The following FNDC3B variants were observed in gnomAD, a reference collection of about 807,000 sequenced individuals.
FNDC3B encodes fibronectin type III domain-containing protein 3B.
Under a neutral mutation model 151.5 loss-of-function variants are expected in FNDC3B, and 12 were observed. The ratio of observed to expected loss-of-function variants is 0.08; its 90% CI spans 0.05 to 0.13. FNDC3B has a LOEUF of 0.13. Ranked by LOEUF, FNDC3B falls within the 10% of genes least tolerant of loss-of-function variation. FNDC3B has a pLI of 1.00. For missense variants in FNDC3B, 1,214 were observed against 1,505.3 expected, an observed-to-expected ratio of 0.81 and a Z score of 3.20; for synonymous variants, 528 against 549.0, an observed-to-expected ratio of 0.96 and a Z score of 0.54.
chr3:172,374,269 G>A (rs1294414608), intron 23 of FNDC3B, among the ~76,000 whole-genome samples: 1 of 152,156 alleles, frequency 6.6e-6, no homozygotes, highest in South Asian at 2.1e-4. Context: ...GATGTCCGTG[G>A]TCTCTCAGAA....
At chr3:172,248,944 A>T (rs1727927534) in intron 5 of FNDC3B, among the ~76,000 whole-genome samples, 1 of 151,576 alleles carries the variant, frequency 6.6e-6, no homozygotes, top group Non-Finnish European at 1.5e-5. Context: ...GTATAAGGGG[A>T]TGATAGCAAA....
At chr3:172,125,109 T>C (rs537458183) in intron 2 of FNDC3B, among the ~76,000 whole-genome samples, 2 of 152,308 alleles carry the variant, frequency 1.3e-5, no homozygotes, top group South Asian at 2.1e-4. Flanking sequence ...GGGAGCGAGA[T>C]GGCACTTGGT....
intron 6 of FNDC3B, among the ~76,000 whole-genome samples, chr3:172,255,901 T>A (rs547483344): frequency 6.6e-6 from 1 of 152,310 alleles, no homozygotes; most frequent in East Asian, 1.9e-4. Context: ...TGTCTCCTCA[T>A]ACGTTTCTTA....
At chr3:172,209,016 AG>A (rs1356614786) in intron 3 of FNDC3B, among the ~76,000 whole-genome samples, 1 of 151,352 alleles carries the variant, frequency 6.6e-6, no homozygotes, top group Non-Finnish European at 1.5e-5. Flanking sequence ...AGAGCCCCAA[AG>A]AGGGTGTTAC....
At chr3:172,331,476 G>C (rs985190044) in intron 13 of FNDC3B, among the ~76,000 whole-genome samples, 3 of 152,116 alleles carry the variant, frequency 2.0e-5, no homozygotes, top group Non-Finnish European at 4.4e-5. Flanking sequence ...TTCTGCCTCA[G>C]TTTCCCAAGT....
intron 3 of FNDC3B, among the ~76,000 whole-genome samples, chr3:172,154,712 A>G (rs1329106925): frequency 6.6e-6 from 1 of 152,172 alleles, no homozygotes; most frequent in Non-Finnish European, 1.5e-5. Context: ...CACTGATGAA[A>G]TCTACAACCT....
intron 16 of FNDC3B, among the ~76,000 whole-genome samples, chr3:172,338,631 C>T (rs1733115887): frequency 6.6e-6 from 1 of 152,228 alleles, no homozygotes; most frequent in Non-Finnish European, 1.5e-5. Flanking sequence ...TAATAAAATT[C>T]ATTAGACTTT....
chr3:172,308,652 G>C, intron 10 of FNDC3B, among the ~76,000 whole-genome samples: 1 of 152,198 alleles, frequency 6.6e-6, no homozygotes, highest in East Asian at 1.9e-4. Context: ...CCAGTGGCCA[G>C]CATTGAGTGT....
At chr3:172,264,028 C>A (rs1313419507) in intron 6 of FNDC3B, among the ~76,000 whole-genome samples, 2 of 151,982 alleles carry the variant, frequency 1.3e-5, no homozygotes, top group Admixed American at 1.3e-4. Context: ...GCTCTGTTAC[C>A]CAGGCTGGAG....
intron 8 of FNDC3B, among the ~76,000 whole-genome samples, chr3:172,296,478 C>G (rs1277350106): frequency 6.6e-6 from 1 of 152,170 alleles, no homozygotes; most frequent in African/African-American, 2.4e-5. Flanking sequence ...CTGTCTCTTC[C>G]CTGGACGCCC....
intron 25 of FNDC3B, among the ~76,000 whole-genome samples, chr3:172,396,894 A>C (rs1470400664): frequency 6.6e-6 from 1 of 152,214 alleles, no homozygotes; most frequent in Non-Finnish European, 1.5e-5. Flanking sequence ...CTTACTACTT[A>C]AAATGTCAGC....
chr3:172,259,317 G>C (rs940399890), intron 6 of FNDC3B, among the ~76,000 whole-genome samples: 9 of 152,168 alleles, frequency 5.9e-5, no homozygotes, highest in African/African-American at 2.2e-4. Flanking sequence ...TTCTTGGCAG[G>C]AAACTGGACA....
intron 6 of FNDC3B, among the ~76,000 whole-genome samples, chr3:172,275,014 A>T (rs1009159344): frequency 6.6e-6 from 1 of 152,086 alleles, no homozygotes; most frequent in Admixed American, 6.5e-5. Context: ...CTTATCTATT[A>T]TATTTTCCTC....
chr3:172,131,271 T>C (rs908267155), intron 2 of FNDC3B, among the ~76,000 whole-genome samples: 2 of 151,902 alleles, frequency 1.3e-5, no homozygotes, highest in African/African-American at 4.8e-5. Context: ...TGCAGGCCTG[T>C]AATCCCAGCT....
At chr3:172,332,587 A>T (rs900591692) in intron 13 of FNDC3B, among the ~76,000 whole-genome samples, 1 of 152,218 alleles carries the variant, frequency 6.6e-6, no homozygotes, top group African/African-American at 2.4e-5. Context: ...TGATAGAATG[A>T]TAGAGATAGA....
chr3:172,303,863 T>C (rs1253827512), intron 9 of FNDC3B, among the ~76,000 whole-genome samples: 1 of 152,232 alleles, frequency 6.6e-6, no homozygotes, highest in Non-Finnish European at 1.5e-5. Flanking sequence ...ACTACTATAA[T>C]TGACAGATGT....
intron 3 of FNDC3B, among the ~76,000 whole-genome samples, chr3:172,211,596 G>A (rs1222315549): frequency 6.6e-6 from 1 of 152,222 alleles, no homozygotes; most frequent in Non-Finnish European, 1.5e-5. Flanking sequence ...ATTTTTGCCT[G>A]TAGAAGAGGA....
chr3:172,099,044 G>T (rs563303419), intron 1 of FNDC3B, among the ~76,000 whole-genome samples: 1 of 152,174 alleles, frequency 6.6e-6, no homozygotes, highest in Non-Finnish European at 1.5e-5. Flanking sequence ...AAACGCCTTC[G>T]CAAAGAAAGA....
intron 19 of FNDC3B, 22 bp downstream of exon 19, chr3:172,344,280 A>G (rs1733498152): frequency 2.5e-6 from 4 of 1,579,562 alleles, no homozygotes; most frequent in Non-Finnish European, 3.4e-6. Context: ...CCCATACACC[A>G]TAACCAGAAT....
Sources: gnomAD v4.1 joint callset for allele counts (sites outside exome capture counted in the v4.1 genomes callset) on GRCh38, gnomAD v4.1.1 for gene constraint, MANE v1.5 for transcripts, NCBI Gene and HGNC (gene_info 2026-07-23, HGNC 2026-07-21) for gene names.